CSMD3: variants seen among roughly 807,000 people sequenced by gnomAD.
CSMD3 encodes the protein CUB and Sushi multiple domains 3.
In CSMD3, 177 loss-of-function variants were observed where a neutral mutation model predicts 435.2. That is an observed-to-expected ratio of 0.41 (90% CI 0.36 to 0.46). The LOEUF (loss-of-function observed/expected upper bound fraction) is 0.46, where lower values mean the gene tolerates loss of function less well. Ranked by LOEUF, CSMD3 falls within the 20% of genes least tolerant of loss-of-function variation. CSMD3 has a pLI of 0.34. For synonymous variants in CSMD3, 1,656 were observed against 1,520.5 expected (o/e 1.09, Z -2.07); for missense variants, 4,265 against 4,504.6 (o/e 0.95, Z 1.52).
Position 113,164,891 on chromosome 8 carries a change from T to A in CSMD3, c.709+8831A>T, listed in dbSNP as rs150076349. Among the ~76,000 whole-genome samples the A allele has an allele frequency of 5.5e-3, 843 of 152,208 alleles. 2 individuals are homozygous for A. Among genetic ancestry groups the A allele is most frequent in the Non-Finnish European group, 8.3e-3 (567 of 68,000 alleles). On this transcript the variant is annotated intron_variant, in intron 4 of 70. Coordinates refer to ENST00000297405, the MANE Select transcript of CSMD3 (RefSeq NM_198123.2). ...CAAAGGACTTTTCACATGGAATGAG[T>A]CTACTAAAATATGTGTCACATAGCA...
chr8:112,779,161 A>ATG (rs112419092), intron 13 of CSMD3, among the ~76,000 whole-genome samples: 45 of 143,998 alleles, frequency 3.1e-4, no homozygotes, highest in East Asian at 8.3e-4. Context: ...TTTTGCAAAG[A>ATG]TGTGTGTGTG....
rs150172707 is a variant in CSMD3, at chr8:112,430,953, G to T, written c.5396-21921C>A. On this transcript the variant is annotated intron_variant, in intron 32 of 70. Coordinates refer to ENST00000297405, the MANE Select transcript of CSMD3 (RefSeq NM_198123.2). ...TCACTTGAGGTAATGAAGGATTCTA[G>T]ATGAGGATAGGATCAATTTTTATTT... Among the ~76,000 whole-genome samples the T allele has an allele frequency of 5.9e-5, 9 of 151,536 alleles. No homozygotes were observed. The East Asian group carries it at 1.7e-3, about 29-fold the overall frequency.
At chr8:113,358,121 A>G (rs745940006) in intron 1 of CSMD3, among the ~76,000 whole-genome samples, 2 of 152,222 alleles carry the variant, frequency 1.3e-5, no homozygotes, top group Non-Finnish European at 2.9e-5. Context: ...AAGCACCAAT[A>G]TAATATTGTA....
At chr8:113,185,867 G>C (rs929848681) in intron 3 of CSMD3, among the ~76,000 whole-genome samples, 1 of 151,908 alleles carries the variant, frequency 6.6e-6, no homozygotes, top group Non-Finnish European at 1.5e-5. Flanking sequence ...TTCCTACAAA[G>C]ACCCATTCGT....
chr8:112,400,882 G>A (rs1464684314), intron 35 of CSMD3, among the ~76,000 whole-genome samples: 1 of 152,156 alleles, frequency 6.6e-6, no homozygotes, highest in Admixed American at 6.5e-5. Context: ...GCCCTCTTCA[G>A]TTTCAGACAC....
chr8:112,328,435 C>T lies in CSMD3; in HGVS notation c.7165+6894G>A, dbSNP rs143403141. ...GTGTGTTCCAGCAGGGTTTAAATTA[C>T]TTTACAAATATCCCTTTTACATCAC... On this transcript the variant is annotated intron_variant, in intron 45 of 70. Coordinates refer to ENST00000297405, the MANE Select transcript of CSMD3 (RefSeq NM_198123.2). Among the ~76,000 whole-genome samples, 641 of 152,248 alleles carry T rather than the reference C, an allele frequency of 4.2e-3. 9 individuals are homozygous for T. Among genetic ancestry groups the T allele is most frequent in the African/African-American group, 0.015 (608 of 41,554 alleles).
intron 8 of CSMD3, among the ~76,000 whole-genome samples, chr8:112,951,809 C>A (rs2083823032): frequency 6.6e-6 from 1 of 151,478 alleles, no homozygotes; most frequent in South Asian, 2.1e-4. Context: ...TCATTTATGG[C>A]AGGCTCACAG....
rs181258383 is a variant in CSMD3 at position 112,622,380 on chromosome 8, A to G, written c.3715+14437T>C. ...GGAAGCCTAAATTTGTTATTCATAA[A>G]TATAAGTGACTGAAAGATGTTGTAA... On this transcript the variant is annotated intron_variant, in intron 22 of 70. Coordinates refer to ENST00000297405, the MANE Select transcript of CSMD3 (RefSeq NM_198123.2). Among the ~76,000 whole-genome samples the G allele has an allele frequency of 1.7e-3, 258 of 152,286 alleles. 3 individuals carry two copies. The highest frequency in any genetic ancestry group is 5.9e-3 in the African/African-American group (247 of 41,566).
intron 1 of CSMD3, among the ~76,000 whole-genome samples, chr8:113,396,838 T>C (rs1434145812): frequency 1.3e-5 from 2 of 152,106 alleles, no homozygotes; most frequent in African/African-American, 4.8e-5. Context: ...CACTACCAGA[T>C]ATATTATTTA....
At position 112,224,722 on chromosome 8, in the gene CSMD3, G is replaced by A. The variant is rs1332741472; in HGVS notation, c.*49C>T. On this transcript the variant is annotated 3_prime_UTR_variant, in exon 71 of 71. Transcript: ENST00000297405. ...TTTAGCAGTGAACTAAATGTGCACT[G>A]TTTTGTGTGTCGATTTCCAAGCTTC... 1.3e-6 allele frequency: 2 copies of A among 1,598,924 alleles called. No individual in the cohort carries two copies. Among genetic ancestry groups the A allele is most frequent in the African/African-American group, 1.3e-5 (1 of 74,654 alleles).
chr8:112,653,620 T>C (rs954074985), intron 18 of CSMD3, among the ~76,000 whole-genome samples: 2 of 151,862 alleles, frequency 1.3e-5, no homozygotes, highest in Admixed American at 1.3e-4. Context: ...TCTATGTTGT[T>C]ATAATTTTAA....
intron 39 of CSMD3, among the ~76,000 whole-genome samples, chr8:112,351,986 T>G (rs1826179302): frequency 6.6e-6 from 1 of 152,062 alleles, no homozygotes; most frequent in Non-Finnish European, 1.5e-5. Flanking sequence ...GTAGTAAATT[T>G]TCACTAATTT....
At chr8:112,957,301 T>C (rs2084056659) in intron 7 of CSMD3, among the ~76,000 whole-genome samples, 1 of 152,210 alleles carries the variant, frequency 6.6e-6, no homozygotes, top group Non-Finnish European at 1.5e-5. Flanking sequence ...AATAAGCATG[T>C]AAAATTTATT....
chr8:112,460,621 T>C (rs774762476), intron 32 of CSMD3, among the ~76,000 whole-genome samples: 1 of 152,124 alleles, frequency 6.6e-6, no homozygotes, highest in East Asian at 1.9e-4. Context: ...AATGAAAGAT[T>C]TTAATTTGAA....
intron 25 of CSMD3, among the ~76,000 whole-genome samples, chr8:112,554,352 G>A (rs1028004803): frequency 1.7e-4 from 26 of 151,814 alleles, no homozygotes; most frequent in African/African-American, 6.0e-4. Context: ...TAACACACTC[G>A]GGAGATTTTT....
chr8:112,829,982 A>T (rs1349649086), intron 11 of CSMD3, among the ~76,000 whole-genome samples, 193 bp from the exon 12 acceptor site: 1 of 152,056 alleles, frequency 6.6e-6, no homozygotes, highest in African/African-American at 2.4e-5. Flanking sequence ...GCAGCAAGTC[A>T]TGTTAGAATA....
intron 1 of CSMD3, among the ~76,000 whole-genome samples, chr8:113,382,079 A>C (rs1022667290): frequency 6.6e-6 from 1 of 152,166 alleles, no homozygotes; most frequent in Non-Finnish European, 1.5e-5. Flanking sequence ...ATTACCATAA[A>C]AAACATTTTG....
intron 10 of CSMD3, among the ~76,000 whole-genome samples, chr8:112,899,598 T>TA (rs2082046156): frequency 6.8e-5 from 3 of 44,338 alleles, no homozygotes; most frequent in Admixed American, 3.9e-4. Flanking sequence ...GCTTGTCTAT[T>TA]TTATATATAT....
At chr8:112,533,041 T>C (rs1825690115) in intron 27 of CSMD3, among the ~76,000 whole-genome samples, 1 of 152,086 alleles carries the variant, frequency 6.6e-6, no homozygotes, top group African/African-American at 2.4e-5. Flanking sequence ...AAGTAGCCAT[T>C]AGTTTAAAAT....
Sources: gnomAD v4.1 joint callset for allele counts (sites outside exome capture counted in the v4.1 genomes callset) on GRCh38, gnomAD v4.1.1 for gene constraint, MANE v1.5 for transcripts, NCBI Gene and HGNC (gene_info 2026-07-23, HGNC 2026-07-21) for gene names.